Variants in NEBL observed in about 807,000 individuals in gnomAD.
NEBL encodes nebulette, also known as LIM and SH3 protein 2.
NEBL carries 122 observed loss-of-function variants against 140.2 expected under a neutral mutation model. The ratio of observed to expected loss-of-function variants is 0.87; its 90% confidence interval spans 0.75 to 1.01. The LOEUF is 1.01. Among genes scored for constraint, NEBL ranks in the 50% least tolerant of loss-of-function variants. The probability of loss-of-function intolerance (pLI) is 0.00; values close to 1 mark genes in which losing one functional copy is unlikely to be tolerated. For synonymous variants in NEBL, 436 were observed against 398.9 expected (o/e 1.09, Z -1.11); for missense variants, 1,365 against 1,231.3 (o/e 1.11, Z -1.62).
chr10:21,085,224 G>T (rs1336835743), intron 2 of NEBL, among the ~76,000 whole-genome samples: 1 of 152,172 alleles, frequency 6.6e-6, no homozygotes, highest in African/African-American at 2.4e-5. Context: ...TCTTCCAAAA[G>T]TAGAATGCCC....
chr10:21,117,705 T>C (rs1054799465), intron 2 of NEBL, among the ~76,000 whole-genome samples: 2 of 152,174 alleles, frequency 1.3e-5, no homozygotes, highest in African/African-American at 2.4e-5. Flanking sequence ...ACTCAATCAT[T>C]GCTGAACGCA....
intron 2 of NEBL, among the ~76,000 whole-genome samples, chr10:21,122,599 G>C (rs1294997168): frequency 1.3e-5 from 2 of 152,174 alleles, no homozygotes; most frequent in Admixed American, 1.3e-4. Flanking sequence ...TTGAGCCTGG[G>C]TGATTAGAAG....
chr10:20,889,973 A>G (rs771585255), intron 2 of NEBL, 24 bp from the exon 3 acceptor site: 3 of 1,458,536 alleles, frequency 2.1e-6, no homozygotes, highest in Admixed American at 1.8e-5. Context: ...TGATTTACAT[A>G]AGAAGAGAAA....
At chr10:20,972,947 G>A (rs1836643720) in intron 3 of NEBL, among the ~76,000 whole-genome samples, 1 of 152,012 alleles carries the variant, frequency 6.6e-6, no homozygotes, top group African/African-American at 2.4e-5. Flanking sequence ...AAAAATCTAT[G>A]TTACAACTAG....
At chr10:21,181,923 G>A (rs1412469218) in intron 3 of NEBL, among the ~76,000 whole-genome samples, 1 of 152,206 alleles carries the variant, frequency 6.6e-6, no homozygotes, top group African/African-American at 2.4e-5. Flanking sequence ...ATCTATGTCT[G>A]GGTTGTCCTG....
intron 3 of NEBL, among the ~76,000 whole-genome samples, chr10:21,244,486 T>C (rs937466759): frequency 6.6e-6 from 1 of 151,786 alleles, no homozygotes; most frequent in African/African-American, 2.4e-5. Context: ...ACCCCATCTC[T>C]ACTAAAAATA....
At chr10:21,001,538 A>G (rs868755653) in intron 3 of NEBL, among the ~76,000 whole-genome samples, 5 of 152,158 alleles carry the variant, frequency 3.3e-5, no homozygotes, top group East Asian at 1.9e-4. Flanking sequence ...ATAAAGCTCA[A>G]TTTTCAGTAA....
intron 3 of NEBL, among the ~76,000 whole-genome samples, chr10:21,221,497 G>C (rs989728052): frequency 1.5e-5 from 2 of 130,846 alleles, no homozygotes; most frequent in African/African-American, 8.2e-5. Context: ...ACAGATGTCT[G>C]ATTTCTTTCT....
chr10:20,925,954 G>A (rs1209247821), intron 4 of NEBL, among the ~76,000 whole-genome samples: 1 of 152,150 alleles, frequency 6.6e-6, no homozygotes, highest in Admixed American at 6.5e-5. Flanking sequence ...GCTGTCTATA[G>A]GTGTGGGCCA....
At chr10:20,922,633 C>T (rs966759207) in intron 4 of NEBL, among the ~76,000 whole-genome samples, 5 of 152,312 alleles carry the variant, frequency 3.3e-5, no homozygotes, top group South Asian at 2.1e-4. Context: ...TGGCAGCTGA[C>T]GTGCTAACGC....
At chr10:21,017,629 A>C (rs1246232775) in intron 3 of NEBL, among the ~76,000 whole-genome samples, 1 of 152,150 alleles carries the variant, frequency 6.6e-6, no homozygotes, top group African/African-American at 2.4e-5. Flanking sequence ...ATATAATAGG[A>C]AAACAATAAA....
In NEBL at chr10:20,843,027, T is replaced by G. The variant is rs143082694; in HGVS notation, c.1228-2178A>C. Among the ~76,000 whole-genome samples, 361 of 152,156 alleles carry G rather than the reference T, an allele frequency of 2.4e-3. 12 individuals carry two copies. The East Asian group carries it at 0.052, about 22-fold the overall frequency. ...AGTCGTTATGAACTAAATGTTTCTG[T>G]CCCACCAAAACCCGTATGTTGAAGC... On this transcript the variant is annotated intron_variant, in intron 12 of 27. Transcript: ENST00000377122.
chr10:20,935,510 G>A (rs74120536), intron 4 of NEBL, among the ~76,000 whole-genome samples: 176 of 152,178 alleles, frequency 1.2e-3, no homozygotes, highest in African/African-American at 4.0e-3. Flanking sequence ...TATTTGCATC[G>A]CCTGGAAATC....
chr10:21,007,667 A>G (rs1333966766), intron 3 of NEBL, among the ~76,000 whole-genome samples: 1 of 152,248 alleles, frequency 6.6e-6, no homozygotes, highest in East Asian at 1.9e-4. Flanking sequence ...TAAAATCTAC[A>G]GCAAAGGACA....
intron 17 of NEBL, among the ~76,000 whole-genome samples, chr10:20,826,891 G>A (rs2130876751): frequency 6.6e-6 from 1 of 152,216 alleles, no homozygotes; most frequent in East Asian, 1.9e-4. Context: ...TATTACAAAA[G>A]CCCATTAAGC....
intron 3 of NEBL, among the ~76,000 whole-genome samples, chr10:21,242,951 A>T (rs1267575585): frequency 6.6e-6 from 1 of 152,182 alleles, no homozygotes; most frequent in Non-Finnish European, 1.5e-5. Context: ...TGCCTTGGGA[A>T]ATCAGGCAGT....
intron 4 of NEBL, among the ~76,000 whole-genome samples, chr10:20,920,753 C>T (rs1833543198): frequency 6.6e-6 from 1 of 151,992 alleles, no homozygotes; most frequent in Non-Finnish European, 1.5e-5. Flanking sequence ...AACTTTTATA[C>T]AATTAAAAAT....
intron 2 of NEBL, among the ~76,000 whole-genome samples, chr10:21,034,849 G>C (rs976832793): frequency 6.6e-6 from 1 of 152,074 alleles, no homozygotes; most frequent in Non-Finnish European, 1.5e-5. Flanking sequence ...GGATGTGCAG[G>C]TTTGTTACAC....
intron 5 of NEBL, among the ~76,000 whole-genome samples, chr10:20,877,852 G>A (rs1232084109): frequency 6.6e-6 from 1 of 152,124 alleles, no homozygotes; most frequent in Non-Finnish European, 1.5e-5. Flanking sequence ...TCTGCCACGA[G>A]GCACAAGTCC....
Sources: gnomAD v4.1 joint callset for allele counts (sites outside exome capture counted in the v4.1 genomes callset) on GRCh38, gnomAD v4.1.1 for gene constraint, MANE v1.5 for transcripts, NCBI Gene and HGNC (gene_info 2026-07-23, HGNC 2026-07-21) for gene names.